RBMS3: variants seen among roughly 807,000 people sequenced by gnomAD.
RBMS3 encodes RNA binding motif single stranded interacting protein 3, also known as RNA-binding motif, single-stranded-interacting protein 3.
In RBMS3, 27 loss-of-function variants were observed where a neutral mutation model predicts 66.8. The ratio of observed to expected loss-of-function variants is 0.40; its 90% confidence interval spans 0.30 to 0.56. The LOEUF is 0.56. RBMS3 is among the 20% of genes least tolerant of loss of function. RBMS3 has a pLI of 0.40. For missense variants in RBMS3, 513 were observed against 549.5 expected, an observed-to-expected ratio of 0.93 and a Z score of 0.66; for synonymous variants, 188 against 183.0, an observed-to-expected ratio of 1.03 and a Z score of -0.22.
intron 1 of RBMS3, among the ~76,000 whole-genome samples, chr3:29,334,773 G>T (rs1242494641): frequency 1.3e-5 from 2 of 152,150 alleles, no homozygotes; most frequent in Non-Finnish European, 2.9e-5. Flanking sequence ...AGACAATATG[G>T]CTTGGCAGTG....
intron 2 of RBMS3, among the ~76,000 whole-genome samples, chr3:29,455,413 T>C (rs1319552808): frequency 6.9e-6 from 1 of 144,000 alleles, no homozygotes; most frequent in African/African-American, 2.5e-5. Context: ...ATTCACAGAA[T>C]GTTTTTCTAT....
intron 2 of RBMS3, among the ~76,000 whole-genome samples, chr3:29,459,186 A>G (rs1242135902): frequency 6.6e-6 from 1 of 152,176 alleles, no homozygotes; most frequent in Non-Finnish European, 1.5e-5. Flanking sequence ...ATAAACATAC[A>G]TCATATTTTC....
intron 1 of RBMS3, among the ~76,000 whole-genome samples, chr3:29,305,551 C>G (rs2033952477): frequency 6.6e-6 from 1 of 151,900 alleles, no homozygotes; most frequent in Non-Finnish European, 1.5e-5. Context: ...CCCTTTGTCT[C>G]TGACAACAAA....
chr3:29,928,392 A>C (rs1228001367), intron 10 of RBMS3, among the ~76,000 whole-genome samples: 2 of 151,576 alleles, frequency 1.3e-5, no homozygotes, highest in Non-Finnish European at 2.9e-5. Context: ...GAAGGAGCTG[A>C]AATATATTTG....
chr3:29,753,984 G>T (rs1234371882), intron 5 of RBMS3, among the ~76,000 whole-genome samples: 2 of 150,450 alleles, frequency 1.3e-5, no homozygotes, highest in African/African-American at 2.4e-5. Context: ...TTGAGACAGA[G>T]TCTCATTCTG....
intron 5 of RBMS3, among the ~76,000 whole-genome samples, chr3:29,759,736 C>G (rs1370624368): frequency 2.0e-5 from 3 of 152,070 alleles, no homozygotes; most frequent in Non-Finnish European, 2.9e-5. Context: ...CTTTCTGGGT[C>G]TCAGTCTCAC....
intron 1 of RBMS3, among the ~76,000 whole-genome samples, chr3:29,419,844 C>T (rs1436883993): frequency 6.6e-6 from 1 of 152,136 alleles, no homozygotes; most frequent in African/African-American, 2.4e-5. Flanking sequence ...TATTAAGACC[C>T]ATTTCCTGAA....
At chr3:29,791,305 G>GTT (rs2057004963) in intron 6 of RBMS3, among the ~76,000 whole-genome samples, 1 of 152,114 alleles carries the variant, frequency 6.6e-6, no homozygotes, top group Admixed American at 6.5e-5. Flanking sequence ...ATGTGTTGCT[G>GTT]TTTTAATAGA....
chr3:29,873,684 T>C (rs945215373), intron 7 of RBMS3, among the ~76,000 whole-genome samples: 7 of 152,210 alleles, frequency 4.6e-5, no homozygotes, highest in Admixed American at 1.3e-4. Context: ...GACGAATGCT[T>C]CTGGCTTTTG....
chr3:29,538,641 A>G (rs920047416), intron 3 of RBMS3, among the ~76,000 whole-genome samples: 1 of 152,180 alleles, frequency 6.6e-6, no homozygotes, highest in Non-Finnish European at 1.5e-5. Flanking sequence ...TCCAAATTAT[A>G]AGCTTTGGAT....
chr3:29,671,397 G>A (rs971404671), intron 4 of RBMS3, among the ~76,000 whole-genome samples: 14 of 152,142 alleles, frequency 9.2e-5, no homozygotes, highest in Non-Finnish European at 7.4e-5. Flanking sequence ...ACAGCTCCTC[G>A]CTAGCAATAG....
chr3:29,672,506 G>A (rs1250823107), intron 4 of RBMS3, among the ~76,000 whole-genome samples: 1 of 152,136 alleles, frequency 6.6e-6, no homozygotes, highest in Non-Finnish European at 1.5e-5. Context: ...TGGATAAAGA[G>A]TCAAGACACA....
At chr3:29,346,104 G>A (rs971251454) in intron 1 of RBMS3, among the ~76,000 whole-genome samples, 3 of 152,146 alleles carry the variant, frequency 2.0e-5, no homozygotes, top group African/African-American at 4.8e-5. Context: ...AAGAAACAAA[G>A]GGAATACTTG....
chr3:29,333,631 T>C (rs1160399297), intron 1 of RBMS3, among the ~76,000 whole-genome samples: 1 of 152,110 alleles, frequency 6.6e-6, no homozygotes, highest in Non-Finnish European at 1.5e-5. Flanking sequence ...CCTTTGGAAC[T>C]AGGGTGGGTA....
chr3:29,332,432 T>C (rs914287149), intron 1 of RBMS3, among the ~76,000 whole-genome samples: 5 of 152,182 alleles, frequency 3.3e-5, no homozygotes, highest in African/African-American at 9.7e-5. Flanking sequence ...ATGTTAGAAA[T>C]ATTAACTGAG....
At chr3:29,957,276 C>T (rs1696108116) in intron 12 of RBMS3, among the ~76,000 whole-genome samples, 1 of 152,032 alleles carries the variant, frequency 6.6e-6, no homozygotes, top group Non-Finnish European at 1.5e-5. Context: ...TCATATTTAC[C>T]TTATTTCTCC....
intron 2 of RBMS3, among the ~76,000 whole-genome samples, chr3:29,456,640 AT>A (rs1408436381): frequency 2.0e-5 from 3 of 152,210 alleles, no homozygotes; most frequent in African/African-American, 7.2e-5. Context: ...CAGTAATAGT[AT>A]TTTTTATAAT....
At chr3:29,980,044 T>C (rs1304354713) in intron 12 of RBMS3, among the ~76,000 whole-genome samples, 1 of 152,222 alleles carries the variant, frequency 6.6e-6, no homozygotes, top group Non-Finnish European at 1.5e-5. Flanking sequence ...TAATTTACAC[T>C]TCCATCAACA....
chr3:29,294,674 G>A (rs1178551126), intron 1 of RBMS3, among the ~76,000 whole-genome samples: 1 of 151,720 alleles, frequency 6.6e-6, no homozygotes, highest in East Asian at 1.9e-4. Context: ...GCCCTTATAT[G>A]TGGCTTCCTT....
Sources: gnomAD v4.1 joint callset for allele counts (sites outside exome capture counted in the v4.1 genomes callset) on GRCh38, gnomAD v4.1.1 for gene constraint, MANE v1.5 for transcripts, NCBI Gene and HGNC (gene_info 2026-07-23, HGNC 2026-07-21) for gene names.